PTK2: variants seen among roughly 807,000 people sequenced by gnomAD.
PTK2 encodes the protein focal adhesion kinase 1.
A neutral mutation model predicts 150.1 loss-of-function variants in PTK2; 45 were observed. That is an observed-to-expected ratio of 0.30 (90% CI 0.24 to 0.38). PTK2 has a LOEUF of 0.38. Among genes scored for constraint, PTK2 ranks in the 10% least tolerant of loss-of-function variants. The pLI, the probability that PTK2 is intolerant of heterozygous loss-of-function variation, is 1.00. For synonymous variants in PTK2, 432 were observed against 449.2 expected, an observed-to-expected ratio of 0.96 and a Z score of 0.48; for missense variants, 919 against 1,307.3, an observed-to-expected ratio of 0.70 and a Z score of 4.58.
At chr8:140,976,557 T>C (rs779778152) in intron 1 of PTK2, among the ~76,000 whole-genome samples, 3 of 152,350 alleles carry the variant, frequency 2.0e-5, no homozygotes, top group Middle Eastern at 3.4e-3. Flanking sequence ...AGTCACAGCA[T>C]GAACTCCTTG....
At chr8:140,729,892 T>C (rs748793952) in intron 22 of PTK2, among the ~76,000 whole-genome samples, 1 of 152,140 alleles carries the variant, frequency 6.6e-6, no homozygotes, top group Non-Finnish European at 1.5e-5. Context: ...CTCCTCATCA[T>C]CGTAAACTAA....
intron 23 of PTK2, among the ~76,000 whole-genome samples, chr8:140,712,941 C>T (rs1271568790): frequency 6.6e-6 from 1 of 152,186 alleles, no homozygotes; most frequent in Non-Finnish European, 1.5e-5. Flanking sequence ...AACAGTATGT[C>T]TGCCAGCTGT....
At chr8:140,747,622 G>A (rs1593502079) in intron 17 of PTK2, among the ~76,000 whole-genome samples, 1 of 94,182 alleles carries the variant, frequency 1.1e-5, no homozygotes, top group African/African-American at 4.3e-5. Flanking sequence ...TGAAGAGGAA[G>A]AGGAGGAAGG....
At chr8:140,930,235 G>A (rs1461262899) in intron 1 of PTK2, among the ~76,000 whole-genome samples, 2 of 152,158 alleles carry the variant, frequency 1.3e-5, no homozygotes, top group Non-Finnish European at 2.9e-5. Flanking sequence ...TAAATGTTGT[G>A]TCTGAAAATT....
intron 16 of PTK2, among the ~76,000 whole-genome samples, chr8:140,756,486 T>A (rs2100065821): frequency 6.7e-6 from 1 of 150,122 alleles, no homozygotes; most frequent in Admixed American, 6.6e-5. Context: ...TCACCTGAAG[T>A]CAGGGGTTCA....
rs368979594 is a variant in PTK2 at position 140,776,065 on chromosome 8, C to G, written c.1178-11775G>C. 9.2e-5 allele frequency among the ~76,000 whole-genome samples: 14 copies of G among 152,248 alleles called. No homozygotes were observed. In the East Asian group the frequency reaches 2.7e-3, roughly 29 times the overall value. On this transcript the variant is annotated intron_variant, in intron 14 of 31. Coordinates refer to ENST00000522684, the Ensembl canonical transcript of PTK2. ...GTCCATCCAGGCTGGAGTGCAGTGGCGTGATCTTGCTTACTATAACCTCCG... is the reference window on the plus strand; with the variant it reads ...GTCCATCCAGGCTGGAGTGCAGTGGGGTGATCTTGCTTACTATAACCTCCG...
chr8:140,747,441 AAG>A (rs557192263), intron 17 of PTK2, among the ~76,000 whole-genome samples: 57 of 36,170 alleles, frequency 1.6e-3, no homozygotes, highest in African/African-American at 7.0e-3. Context: ...GAGGAGAAGA[AAG>A]GGGGGGGGAA....
intron 20 of PTK2, among the ~76,000 whole-genome samples, chr8:140,740,420 G>A (rs945974673): frequency 7.9e-5 from 12 of 152,150 alleles, no homozygotes; most frequent in African/African-American, 2.4e-4. Flanking sequence ...GAGCATGAGC[G>A]GCTGGGCTCT....
At chr8:140,823,976 T>C (rs1487007940) in intron 8 of PTK2, among the ~76,000 whole-genome samples, 1 of 152,228 alleles carries the variant, frequency 6.6e-6, no homozygotes, top group African/African-American at 2.4e-5. Flanking sequence ...TTGTTTCTCT[T>C]GGCCTCTTAT....
At chr8:140,825,755 C>A (rs1190713659) in intron 8 of PTK2, among the ~76,000 whole-genome samples, 1 of 152,200 alleles carries the variant, frequency 6.6e-6, no homozygotes, top group Non-Finnish European at 1.5e-5. Flanking sequence ...GTCTCCTCAG[C>A]CTCCTCCAGC....
chr8:140,674,899 AAAAG>A (rs1189266411), intron 28 of PTK2, among the ~76,000 whole-genome samples: 4 of 149,560 alleles, frequency 2.7e-5, no homozygotes, highest in Non-Finnish European at 1.5e-5. Flanking sequence ...TTAAAAAAAA[AAAAG>A]AAAAGAAAAG....
At chr8:140,853,653 G>A (rs555912613) in intron 5 of PTK2, among the ~76,000 whole-genome samples, 2 of 152,190 alleles carry the variant, frequency 1.3e-5, no homozygotes, top group South Asian at 2.1e-4. Flanking sequence ...GTAAACACAC[G>A]TGTGCATGAG....
At chr8:140,956,554 G>A (rs2100181281) in intron 1 of PTK2, among the ~76,000 whole-genome samples, 1 of 152,120 alleles carries the variant, frequency 6.6e-6, no homozygotes, top group African/African-American at 2.4e-5. Context: ...TATTTAAAAA[G>A]GACAACTGTA....
At chr8:140,988,407 T>C (rs2100194185) in intron 1 of PTK2, among the ~76,000 whole-genome samples, 1 of 152,138 alleles carries the variant, frequency 6.6e-6, no homozygotes, top group African/African-American at 2.4e-5. Context: ...GCTTGTGGAA[T>C]CAAAGAATCT....
intron 14 of PTK2, among the ~76,000 whole-genome samples, chr8:140,766,602 C>T (rs1565935979): frequency 6.6e-6 from 1 of 152,308 alleles, no homozygotes; most frequent in East Asian, 1.9e-4. Context: ...TCCTCAGCAG[C>T]TAAAACAGTG....
chr8:140,711,396 C>G (rs2100036798), intron 23 of PTK2, among the ~76,000 whole-genome samples: 1 of 152,216 alleles, frequency 6.6e-6, no homozygotes, highest in South Asian at 2.1e-4. Context: ...CGTGAGCCAC[C>G]ATGCCCGGCC....
intron 16 of PTK2, among the ~76,000 whole-genome samples, chr8:140,757,233 T>C (rs1246246139): frequency 2.6e-5 from 4 of 152,080 alleles, no homozygotes; most frequent in African/African-American, 9.7e-5. Flanking sequence ...AGTCACCTTA[T>C]CTCCCCCAAT....
chr8:140,850,102 A>G (rs568918892), intron 5 of PTK2, among the ~76,000 whole-genome samples: 1 of 152,064 alleles, frequency 6.6e-6, no homozygotes, highest in Non-Finnish European at 1.5e-5. Flanking sequence ...TCCTTCCAAA[A>G]AAAAAGACTT....
chr8:140,667,032 G>GT (rs1443089554), intron 30 of PTK2, among the ~76,000 whole-genome samples: 7 of 152,170 alleles, frequency 4.6e-5, no homozygotes. Flanking sequence ...GACAAATACA[G>GT]TATGATTCCA....
Sources: gnomAD v4.1 joint callset for allele counts (sites outside exome capture counted in the v4.1 genomes callset) on GRCh38, gnomAD v4.1.1 for gene constraint, MANE v1.5 for transcripts, NCBI Gene and HGNC (gene_info 2026-07-23, HGNC 2026-07-21) for gene names.